KAT6B: variants seen among roughly 807,000 people sequenced by gnomAD.
The protein encoded by KAT6B is lysine acetyltransferase 6B.
In KAT6B, 10 loss-of-function variants were observed where a neutral mutation model predicts 187.5. The ratio of observed to expected loss-of-function variants is 0.05; its 90% CI spans 0.03 to 0.09. KAT6B has a LOEUF of 0.09. Ranked by LOEUF, KAT6B falls within the 10% of genes least tolerant of loss-of-function variation. KAT6B has a pLI of 1.00. For synonymous variants in KAT6B, 861 were observed against 926.8 expected (o/e 0.93, Z 1.29); for missense variants, 1,952 against 2,558.9 (o/e 0.76, Z 5.12).
intron 10 of KAT6B, among the ~76,000 whole-genome samples, chr10:74,981,355 C>A (rs1017366715): frequency 6.9e-6 from 1 of 144,692 alleles, no homozygotes; most frequent in African/African-American, 2.6e-5. Context: ...TCCTTTCTTT[C>A]CTTTCTTTCC....
At chr10:74,948,228 A>G (rs113656442) in intron 3 of KAT6B, among the ~76,000 whole-genome samples, 18 of 152,248 alleles carry the variant, frequency 1.2e-4, no homozygotes, top group African/African-American at 4.3e-4. Context: ...TAAGTGTAGT[A>G]ATGGAATTAC....
chr10:74,830,063 G>C (rs1199803772), intron 1 of KAT6B, among the ~76,000 whole-genome samples: 2 of 151,864 alleles, frequency 1.3e-5, no homozygotes, highest in East Asian at 1.9e-4. Context: ...ATGTAAGTAG[G>C]GATGTGTAAG....
chr10:75,025,229 A>G lies in KAT6B; in HGVS notation c.3644A>G (p.Lys1215Arg), dbSNP rs1845728541. ...EEEGKDNHCFKNADPCRNNMN... is the reference protein window; with the variant it reads ...EEEGKDNHCFRNADPCRNNMN... ...GAAGGAAAAGACAATCATTGCTTCA[A>G]GAATGCTGACCCTTGTAGAAGTAAG... The change falls in exon 17 of 18, where the codon AAG becomes AGG. Residue 1215 changes from lysine to arginine, a missense_variant. By Grantham distance (26) the Lys-to-Arg change is conservative (BLOSUM62 2). This residue lies in a region of KAT6B where 758 missense variants were observed against 891.4 expected (regional missense o/e 0.85). Coordinates refer to ENST00000287239, the MANE Select transcript of KAT6B (RefSeq NM_012330.4). 6.2e-7 allele frequency: 1 copy of G among 1,614,110 alleles called. No homozygotes were observed. Among genetic ancestry groups the G allele is most frequent in the Admixed American group, 1.7e-5 (1 of 60,010 alleles).
At chr10:74,826,390 G>A (rs546002569), upstream of KAT6B, among the ~76,000 whole-genome samples, 3 of 144,950 alleles carry the variant, frequency 2.1e-5, no homozygotes, top group Non-Finnish European at 2.9e-5. Context: ...GGTGCCGGAG[G>A]GGGGGATGAT....
rs754097348 is a variant in KAT6B, at chr10:75,022,156, AG to A, written c.3298del (p.Glu1100LysfsTer14). ...DEEEEEEEEE[E>X]EEEENIQSSP... is the part of the protein sequence containing the mutation. ...AAGAGGAGGAAGAAGAGGAAGAAGA[AG>A]AAGAAGAAGAAGAAAATATTCAAAG... On this transcript the variant is annotated frameshift_variant, in exon 16 of 18. Coordinates refer to ENST00000287239, the MANE Select transcript of KAT6B (RefSeq NM_012330.4). LOFTEE classifies it high-confidence loss of function. 2 of 1,612,914 alleles carry A rather than the reference AG, an allele frequency of 1.2e-6. No individual in the cohort carries two copies. Among genetic ancestry groups the A allele is most frequent in the African/African-American group, 2.7e-5 (2 of 74,936 alleles).
At chr10:74,916,142 A>T (rs1847662941) in intron 3 of KAT6B, among the ~76,000 whole-genome samples, 1 of 152,198 alleles carries the variant, frequency 6.6e-6, no homozygotes, top group Admixed American at 6.5e-5. Context: ...AGCCTGGGCG[A>T]TAGAGCAAGA....
intron 14 of KAT6B, 55 bp from the exon 15 acceptor site, chr10:75,021,071 C>T: frequency 6.5e-7 from 1 of 1,545,394 alleles, no homozygotes; most frequent in South Asian, 1.1e-5. Flanking sequence ...GTATGTGAAG[C>T]TGAAGTGAAA....
chr10:74,981,146 G>T (rs1224949018), intron 10 of KAT6B, among the ~76,000 whole-genome samples: 3 of 152,112 alleles, frequency 2.0e-5, no homozygotes, highest in African/African-American at 7.2e-5. Flanking sequence ...TAGGGTGGTG[G>T]TTCCACATCT....
intron 3 of KAT6B, among the ~76,000 whole-genome samples, chr10:74,857,711 A>G (rs1161293607): frequency 6.6e-6 from 1 of 152,158 alleles, no homozygotes; most frequent in Non-Finnish European, 1.5e-5. Flanking sequence ...GTGAACCATG[A>G]TCAAGTCTGT....
At chr10:74,995,915 C>G (rs1006926527) in intron 13 of KAT6B, among the ~76,000 whole-genome samples, 1 of 152,196 alleles carries the variant, frequency 6.6e-6, no homozygotes, top group African/African-American at 2.4e-5. Context: ...GTCTTTTACT[C>G]GGGCCTGCAG....
At chr10:74,826,955 G>C (rs1192444582) in intron 1 of KAT6B, among the ~76,000 whole-genome samples, 170 bp downstream of exon 1, 7 of 149,584 alleles carry the variant, frequency 4.7e-5, no homozygotes, top group Non-Finnish European at 7.4e-5. Flanking sequence ...TAGGGGGCGG[G>C]GGAAAGGGGA....
chr10:74,882,559 T>A (rs1477730681), intron 3 of KAT6B, among the ~76,000 whole-genome samples: 1 of 152,264 alleles, frequency 6.6e-6, no homozygotes. Context: ...AAATAAACCT[T>A]TCTTTGTTAA....
At chr10:74,843,932 G>GGC in intron 3 of KAT6B, among the ~76,000 whole-genome samples, 1 of 152,282 alleles carries the variant, frequency 6.6e-6, no homozygotes, top group African/African-American at 2.4e-5. Flanking sequence ...GGAGTGCAGT[G>GGC]GCGCAGTCTT....
intron 13 of KAT6B, among the ~76,000 whole-genome samples, chr10:75,006,644 GT>G (rs1015381350): frequency 1.3e-5 from 2 of 152,028 alleles, no homozygotes; most frequent in African/African-American, 2.4e-5. Context: ...GTCTCTTTAT[GT>G]TGTCCAGGCT....
intron 4 of KAT6B, among the ~76,000 whole-genome samples, chr10:74,968,202 G>T (rs1204265092): frequency 6.6e-6 from 1 of 152,166 alleles, no homozygotes; most frequent in Non-Finnish European, 1.5e-5. Context: ...TGAGCAGAAA[G>T]AGGAGATTGA....
intron 17 of KAT6B, among the ~76,000 whole-genome samples, chr10:75,027,901 G>T (rs1845996500): frequency 6.6e-6 from 1 of 152,138 alleles, no homozygotes; most frequent in African/African-American, 2.4e-5. Flanking sequence ...GATTACAAAT[G>T]CATTTGTTTT....
At position 75,022,011 on chromosome 10, in the gene KAT6B, G is replaced by T; in HGVS notation, c.3152G>T (p.Ser1051Ile). The T allele has an allele frequency of 1.2e-6, 2 of 1,614,098 alleles. No individual in the cohort carries two copies. Among genetic ancestry groups the T allele is most frequent in the Non-Finnish European group, 1.7e-6 (2 of 1,180,024 alleles). The stretch of plus-strand genomic sequence containing the variant: ...AATAAATATTTGCATTCCCCGGAGA[G>T]CCGGCCAGTCACAGGGGAGCGAGGG... ...SKNKYLHSPE[S>I]RPVTGERGQL... The change falls in exon 16 of 18, where the codon AGC (serine) becomes ATC (isoleucine). Residue 1051 changes from serine to isoleucine, a missense_variant. Coordinates refer to ENST00000287239, the MANE Select transcript of KAT6B (RefSeq NM_012330.4).
At chr10:74,885,601 A>T (rs1220545872) in intron 3 of KAT6B, among the ~76,000 whole-genome samples, 1 of 152,242 alleles carries the variant, frequency 6.6e-6, no homozygotes, top group African/African-American at 2.4e-5. Context: ...TAATTGAACA[A>T]ATATTTAGAA....
At chr10:74,944,916 G>C (rs965033433) in intron 3 of KAT6B, among the ~76,000 whole-genome samples, 1 of 149,470 alleles carries the variant, frequency 6.7e-6, no homozygotes, top group African/African-American at 2.5e-5. Flanking sequence ...ACCATACCAA[G>C]TGCAACTGGA....
Sources: allele counts gnomAD v4.1 joint callset (sites outside exome capture counted in the v4.1 genomes callset), GRCh38; gene constraint gnomAD v4.1.1; regional missense constraint gnomAD v4.1.1; transcripts MANE v1.5; gene names NCBI Gene and HGNC (gene_info 2026-07-23, HGNC 2026-07-21).